Variants in ABCA8 observed in about 807,000 individuals in gnomAD.
ABCA8 encodes the protein ATP binding cassette subfamily A member 8.
In ABCA8, 177 loss-of-function variants were observed where a neutral mutation model predicts 192.3. The observed-to-expected ratio is 0.92, with a 90% CI of 0.81 to 1.04. The LOEUF (loss-of-function observed/expected upper bound fraction) is 1.04, where lower values mean the gene tolerates loss of function less well. Ranked by LOEUF, ABCA8 falls within the 50% of genes least tolerant of loss-of-function variation. The pLI is 0.00. For missense variants in ABCA8, 1,915 were observed against 1,904.8 expected, an observed-to-expected ratio of 1.01 and a Z score of -0.10; for synonymous variants, 642 against 690.2, an observed-to-expected ratio of 0.93 and a Z score of 1.09.
At chr17:68,929,757 A>G in intron 7 of ABCA8, 55 bp from the exon 8 acceptor site, 1 of 1,485,914 alleles carries the variant, frequency 6.7e-7, no homozygotes, top group South Asian at 1.4e-5. Flanking sequence ...GAAAAGGAAG[A>G]CCTGAAATGG....
intron 5 of ABCA8, 37 bp from the exon 6 acceptor site, chr17:68,933,308 ACTAT>A (rs1347799994): frequency 1.6e-6 from 2 of 1,289,614 alleles, no homozygotes; most frequent in Non-Finnish European, 2.2e-6. Context: ...TCATTACATC[ACTAT>A]CTATATTATT....
chr17:68,917,084 A>G (rs924674967), intron 17 of ABCA8, among the ~76,000 whole-genome samples: 1 of 152,088 alleles, frequency 6.6e-6, no homozygotes, highest in African/African-American at 2.4e-5. Context: ...CCTGGCCAAC[A>G]CGGTGAAACC....
rs372553079 is a variant in ABCA8, at chr17:68,869,725, G to A, written c.4686C>T (p.Ala1562=). ...KLPVEDVQPL[A]QAFFKLEKVK... ...CCTTCTCTAATTTGAAGAAAGCTTG[G>A]GCTAAAGGTTGCACATCTTCCACTG... The change falls in exon 38 of 40, where the codon GCC becomes GCT. Residue 1562 remains alanine (A), a synonymous_variant. Transcript: ENST00000586539. 1 of 1,612,722 alleles carries A rather than the reference G, an allele frequency of 6.2e-7. No individual in the cohort carries two copies. The highest frequency in any genetic ancestry group is 8.5e-7 in the Non-Finnish European group (1 of 1,178,936).
intron 10 of ABCA8, among the ~76,000 whole-genome samples, chr17:68,927,268 A>T (rs1364779482): frequency 6.6e-6 from 1 of 152,138 alleles, no homozygotes; most frequent in African/African-American, 2.4e-5. Context: ...AAAAAGAAAA[A>T]AAAAGAAAGT....
intron 33 of ABCA8, 22 bp downstream of exon 33, chr17:68,877,497 C>A: frequency 6.2e-7 from 1 of 1,603,088 alleles, no homozygotes. Context: ...GGGTATAGAA[C>A]AGATGTGGCT....
At chr17:68,907,929 C>T in intron 17 of ABCA8, 50 bp from the exon 18 acceptor site, 1 of 1,472,138 alleles carries the variant, frequency 6.8e-7, no homozygotes, top group Non-Finnish European at 9.0e-7. Flanking sequence ...ACATAGTCTC[C>T]AATAGCAAGA....
At chr17:68,918,372 C>T in intron 15 of ABCA8, 55 bp downstream of exon 15, 1 of 1,531,954 alleles carries the variant, frequency 6.5e-7, no homozygotes, top group Non-Finnish European at 8.7e-7. Flanking sequence ...TGAACTATTA[C>T]CAAAAGTTCC....
chr17:68,896,792 G>GAAAC lies in ABCA8; in HGVS notation c.2765-1783_2765-1780dup, dbSNP rs140682652. Among the ~76,000 whole-genome samples the GAAAC allele has an allele frequency of 5.6e-4, 85 of 152,198 alleles. 2 individuals are homozygous for GAAAC. In the East Asian group the frequency reaches 0.016, roughly 28 times the overall value. On this transcript the variant is annotated intron_variant, in intron 21 of 39. Coordinates refer to ENST00000586539, the MANE Select transcript of ABCA8 (RefSeq NM_001288985.2). ...AGGTGAAAGTTATTGACTTAATAAG[G>GAAAC]AAACAATAAAAAAATTGTATGCTGA...
chr17:68,922,021 A>AT (rs1343736248), intron 12 of ABCA8, among the ~76,000 whole-genome samples: 1 of 151,868 alleles, frequency 6.6e-6, no homozygotes. Context: ...AAACATATTC[A>AT]TTTTTTTCTA....
rs118047083 is a variant in ABCA8 at position 68,905,272 on chromosome 17, C to A, written c.2398+772G>T. ...CATATGAAGAAGCGGGGAAATATAACCCATAGGGAAGAGGAAAAAAAATCA... is the reference window on the plus strand; with the variant it reads ...CATATGAAGAAGCGGGGAAATATAAACCATAGGGAAGAGGAAAAAAAATCA... On this transcript the variant is annotated intron_variant, in intron 19 of 39. Coordinates refer to ENST00000586539, the MANE Select transcript of ABCA8 (RefSeq NM_001288985.2). 7.2e-4 allele frequency among the ~76,000 whole-genome samples: 109 copies of A among 152,154 alleles called. No homozygotes were observed. The Middle Eastern group carries it at 0.01, about 14-fold the overall frequency.
At position 68,903,479 on chromosome 17, in the gene ABCA8, C is replaced by A; in HGVS notation, c.2419G>T (p.Val807Leu). Residue 807 changes from valine (V) to leucine (L), a missense_variant, in exon 20 of 40, where the codon GTA (valine) becomes TTA (leucine). Coordinates refer to ENST00000586539, the MANE Select transcript of ABCA8 (RefSeq NM_001288985.2). ...NESDIAILGE[V>L]QAEKADDTER... is the part of the protein sequence containing the mutation. ...GTGTCGTCAGCTTTTTCCGCTTGTA[C>A]TTCTCCCAAAATAGCAATGTCTGCA... is the stretch of plus-strand genomic sequence containing the variant. The A allele has an allele frequency of 1.2e-6, 2 of 1,614,120 alleles. No homozygotes were observed. The highest frequency in any genetic ancestry group is 1.1e-5 in the South Asian group (1 of 91,076).
intron 37 of ABCA8, among the ~76,000 whole-genome samples, chr17:68,871,159 T>G (rs1379858494): frequency 6.6e-6 from 1 of 151,798 alleles, no homozygotes; most frequent in Non-Finnish European, 1.5e-5. Context: ...CTGGTGAGGG[T>G]TTTCTTGCTG....
At chr17:68,944,274 A>C (rs940576809) in intron 2 of ABCA8, among the ~76,000 whole-genome samples, 2 of 139,180 alleles carry the variant, frequency 1.4e-5, no homozygotes, top group African/African-American at 5.3e-5. Flanking sequence ...ATATCTATGT[A>C]ACAAACCTGC....
chr17:68,919,185 C>A, intron 14 of ABCA8, 116 bp downstream of exon 14: 2 of 998,558 alleles, frequency 2.0e-6, no homozygotes, highest in Non-Finnish European at 2.9e-6. Flanking sequence ...ATTGGATTTT[C>A]TTGTCCAACA....
Position 68,937,113 on chromosome 17 carries a change from T to A in ABCA8, c.304A>T (p.Lys102Ter). The change falls in exon 5 of 40, where the codon AAA (lysine) becomes TAA (stop). Residue 102 changes from lysine (K) to a stop codon, truncating the protein, a stop_gained and splice_region_variant. Transcript: ENST00000586539. LOFTEE classifies it high-confidence loss of function. ...KVASTPFLAG[K>*]EVLGLPDEES... ...TCATCTGGCAGTCCCAAGACCTCTT[T>A]ACCTTTTGTTACAAGAAGGAATATT... 6.3e-7 allele frequency: 1 copy of A among 1,587,172 alleles called. No homozygotes were observed. Among genetic ancestry groups the A allele is most frequent in the East Asian group, 2.3e-5 (1 of 43,290 alleles).
chr17:68,875,540 T>A, intron 36 of ABCA8, 74 bp downstream of exon 36: 1 of 1,593,842 alleles, frequency 6.3e-7, no homozygotes, highest in Non-Finnish European at 8.6e-7. Context: ...TTTTCAGTGA[T>A]CTCTCCCTGC....
chr17:68,873,823 TA>T (rs1416232832), intron 37 of ABCA8, among the ~76,000 whole-genome samples: 2 of 152,242 alleles, frequency 1.3e-5, no homozygotes, highest in African/African-American at 4.8e-5. Context: ...CCCCATCATG[TA>T]TTCTTGGCAC....
chr17:68,884,598 C>T (rs2066415738), intron 27 of ABCA8: 1 of 1,264,998 alleles, frequency 7.9e-7, no homozygotes, highest in African/African-American at 1.6e-5. Flanking sequence ...TAGGATTTAT[C>T]AATTACTAAT....
rs140300676 is a variant in ABCA8 at position 68,873,017 on chromosome 17, C to G, written c.4631+2243G>C. On this transcript the variant is annotated intron_variant, in intron 37 of 39. Transcript: ENST00000586539. Reference sequence around the variant, plus strand: ...ATTTTAAAAGTAAATTTAGTGTAGCCTAAGTGTACAGTGTTTATAAAAGTC... The same window carrying G: ...ATTTTAAAAGTAAATTTAGTGTAGCGTAAGTGTACAGTGTTTATAAAAGTC... 4.1e-4 allele frequency among the ~76,000 whole-genome samples: 63 copies of G among 152,148 alleles called. 1 individual carries two copies. In the East Asian group the frequency reaches 0.012, roughly 28 times the overall value.
Sources: allele counts gnomAD v4.1 joint callset (sites outside exome capture counted in the v4.1 genomes callset), GRCh38; gene constraint gnomAD v4.1.1; transcripts MANE v1.5; gene names NCBI Gene and HGNC (gene_info 2026-07-23, HGNC 2026-07-21).